SUGP2: variants seen among roughly 807,000 people sequenced by gnomAD.
The protein encoded by SUGP2 is SURP and G-patch domain containing 2, also known as SURP and G-patch domain-containing protein 2.
In SUGP2, 24 loss-of-function variants were observed where a neutral mutation model predicts 90.5. The observed-to-expected ratio is 0.27, with a 90% CI of 0.19 to 0.37. SUGP2 has a LOEUF of 0.37. Ranked by LOEUF, SUGP2 falls within the 10% of genes least tolerant of loss-of-function variation. The pLI is 1.00. For missense variants in SUGP2, 1,233 were observed against 1,363.3 expected (o/e 0.90, Z 1.51); for synonymous variants, 473 against 513.4 (o/e 0.92, Z 1.06).
chr19:19,010,300 C>G lies in SUGP2; in HGVS notation c.1893G>C (p.Lys631Asn), dbSNP rs763417217. The change falls in exon 5 of 11, where the codon AAG becomes AAC. Residue 631 changes from lysine to asparagine, a missense_variant. Coordinates refer to ENST00000452918, the MANE Select transcript of SUGP2 (RefSeq NM_001017392.5). Reference protein sequence around the residue: ...DENSLEYKYYKLKLAEMQRMS... With the variant: ...DENSLEYKYYNLKLAEMQRMS... ...TCCGCTGCATTTCTGCCAACTTCAGCTTGTAATATTTATACTCCAGACTAT... is the reference window on the plus strand; with the variant it reads ...TCCGCTGCATTTCTGCCAACTTCAGGTTGTAATATTTATACTCCAGACTAT... The G allele has an allele frequency of 1.2e-6, 2 of 1,613,546 alleles. No homozygotes were observed. The highest frequency in any genetic ancestry group is 8.5e-7 in the Non-Finnish European group (1 of 1,180,030).
intron 8 of SUGP2, 61 bp downstream of exon 8, chr19:19,001,552 G>C: frequency 2.0e-6 from 3 of 1,530,124 alleles, no homozygotes; most frequent in African/African-American, 1.4e-5. Context: ...GCATCCTTTG[G>C]AACTCCAACA....
chr19:19,031,720 G>A (rs1454903562), intron 1 of SUGP2, among the ~76,000 whole-genome samples: 9 of 151,832 alleles, frequency 5.9e-5, no homozygotes, highest in Admixed American at 3.3e-4. Context: ...AAAAATGCGT[G>A]CTCACAGAAC....
chr19:19,017,927 C>CTTTTTT (rs1264966084), intron 4 of SUGP2, among the ~76,000 whole-genome samples: 30 of 140,110 alleles, frequency 2.1e-4, no homozygotes, highest in African/African-American at 8.0e-4. Flanking sequence ...CTGATCATCA[C>CTTTTTT]TTTTTTTTTT....
chr19:19,024,658 G>A lies in SUGP2; in HGVS notation c.1690C>T (p.Pro564Ser). The A allele has an allele frequency of 6.2e-7, 1 of 1,614,118 alleles. No homozygotes were observed. Among genetic ancestry groups the A allele is most frequent in the Non-Finnish European group, 8.5e-7 (1 of 1,180,022 alleles). The change falls in exon 3 of 11, where the codon CCT becomes TCT. Residue 564 changes from proline to serine, a missense_variant. Coordinates refer to ENST00000452918, the MANE Select transcript of SUGP2 (RefSeq NM_001017392.5). ...EEEKMIPPTK[P>S]EIQAKAPSSL... Reference sequence around the variant, plus strand: ...CTTGGAGCCTTGGCCTGAATTTCAGGTTTCGTAGGAGGAATCATTTTCTCC... The same window carrying A: ...CTTGGAGCCTTGGCCTGAATTTCAGATTTCGTAGGAGGAATCATTTTCTCC...
intron 6 of SUGP2, among the ~76,000 whole-genome samples, chr19:19,008,046 G>C (rs1022360759): frequency 1.3e-5 from 2 of 152,086 alleles, no homozygotes; most frequent in African/African-American, 4.8e-5. Flanking sequence ...CTGAAGTGAA[G>C]TCATGACTTA....
At chr19:19,024,499 C>T (rs1209715718) in intron 3 of SUGP2, 120 bp downstream of exon 3, 1 of 1,203,116 alleles carries the variant, frequency 8.3e-7, no homozygotes, top group Admixed American at 2.5e-5. Flanking sequence ...GCGTTTTCTA[C>T]TAAAATCCTG....
intron 2 of SUGP2, among the ~76,000 whole-genome samples, chr19:19,029,426 G>A (rs1472234972): frequency 2.8e-5 from 4 of 140,588 alleles, no homozygotes; most frequent in Non-Finnish European, 6.1e-5. Flanking sequence ...GAGCCACTGC[G>A]CCCGGCCATT....
intron 8 of SUGP2, among the ~76,000 whole-genome samples, chr19:18,999,757 G>A (rs768003662): frequency 5.7e-4 from 87 of 152,292 alleles, no homozygotes; most frequent in Non-Finnish European, 9.3e-4. Context: ...TGAAGGACTG[G>A]TGAAGTCTCT....
chr19:19,031,063 G>A lies in SUGP2; in HGVS notation c.9C>T (p.Ala3=). ...CAAAAGTCTCCTGTGTAATTCGTCT[G>A]GCTGCCATGTTATTTTGCCCTATGG... MA[A]RRITQETFDA... The change falls in exon 2 of 11, where the codon GCC becomes GCT. Residue 3 remains alanine (A), a synonymous_variant. Transcript: ENST00000452918. The A allele has an allele frequency of 6.2e-7, 1 of 1,611,720 alleles. No individual in the cohort carries two copies. Among genetic ancestry groups the A allele is most frequent in the South Asian group, 1.1e-5 (1 of 90,484 alleles).
rs139266877 is a variant in SUGP2 at position 19,007,920 on chromosome 19, C to T, written c.2450+397G>A. ...GATTACAGGTGCTTGCCACCATGCCCGGCTAATTTTTGTATTTTTGTAGAG... is the reference window on the plus strand; with the variant it reads ...GATTACAGGTGCTTGCCACCATGCCTGGCTAATTTTTGTATTTTTGTAGAG... On this transcript the variant is annotated intron_variant, in intron 6 of 10. Coordinates refer to ENST00000452918, the MANE Select transcript of SUGP2 (RefSeq NM_001017392.5). Among the ~76,000 whole-genome samples the T allele has an allele frequency of 3.1e-4, 47 of 152,038 alleles. No homozygotes were observed. The East Asian group carries it at 6.6e-3, about 21-fold the overall frequency.
intron 3 of SUGP2, among the ~76,000 whole-genome samples, chr19:19,020,339 G>A (rs2058673755): frequency 1.3e-5 from 2 of 151,314 alleles, no homozygotes; most frequent in Non-Finnish European, 2.9e-5. Context: ...GGCTGAGGCA[G>A]GAGAATAGCG....
At chr19:19,032,634 G>GT (rs1180086023) in intron 1 of SUGP2, among the ~76,000 whole-genome samples, 1 of 152,096 alleles carries the variant, frequency 6.6e-6, no homozygotes, top group African/African-American at 2.4e-5. Context: ...ACCACCCACT[G>GT]AAGAGGCGGG....
intron 5 of SUGP2, 152 bp from the exon 6 acceptor site, chr19:19,008,580 A>C: frequency 1.5e-6 from 1 of 681,088 alleles, no homozygotes; most frequent in Admixed American, 2.1e-5. Flanking sequence ...TTTGTCACCA[A>C]GAAGTGAACT....
intron 6 of SUGP2, among the ~76,000 whole-genome samples, chr19:19,006,309 C>T (rs933169826): frequency 1.3e-5 from 2 of 152,168 alleles, no homozygotes; most frequent in African/African-American, 4.8e-5. Context: ...AGCTTGAGCA[C>T]ATTAGAATTA....
intron 8 of SUGP2, 41 bp downstream of exon 8, chr19:19,001,572 C>T (rs761597296): frequency 1.9e-6 from 3 of 1,600,736 alleles, no homozygotes; most frequent in Non-Finnish European, 2.6e-6. Context: ...AAATTCTAAC[C>T]AACTATACTT....
At chr19:19,023,932 T>C (rs2058825184) in intron 3 of SUGP2, among the ~76,000 whole-genome samples, 1 of 151,932 alleles carries the variant, frequency 6.6e-6, no homozygotes, top group African/African-American at 2.4e-5. Context: ...AACCCTTCTT[T>C]TTTTCAAAGG....
rs759887276 is a variant in SUGP2, at chr19:19,009,842, A to G, written c.2338+13T>C. 32 of 1,593,628 alleles carry G rather than the reference A, an allele frequency of 2.0e-5. No homozygotes were observed. Among genetic ancestry groups the G allele is most frequent in the Admixed American group, 5.1e-5 (3 of 58,844 alleles). On this transcript the variant is annotated intron_variant, in intron 5 of 10. Transcript: ENST00000452918. ...CTGGGGCCCAGAGGAGGGGGACAGG[A>G]GTGAGCACCCACTGTCAGCAGATGG... is the stretch of plus-strand genomic sequence containing the variant.
rs770952976 is a variant in SUGP2 at position 19,010,187 on chromosome 19, T to C, written c.2006A>G (p.Asn669Ser). ...RAMLYSRAVR[N>S]LKKKLLPWQR... ...CCACGGAAGGAGTTTCTTCTTGAGGTTGCGGACAGCCCGGGAGTACAGCAT... is the reference window on the plus strand; with the variant it reads ...CCACGGAAGGAGTTTCTTCTTGAGGCTGCGGACAGCCCGGGAGTACAGCAT... Residue 669 changes from asparagine (N) to serine (S), a missense_variant, in exon 5 of 11, where the codon AAC (asparagine) becomes AGC (serine). Asn to Ser is a conservative substitution (Grantham distance 46). Transcript: ENST00000452918. The C allele has an allele frequency of 3.1e-6, 5 of 1,613,716 alleles. No individual in the cohort carries two copies. Among genetic ancestry groups the C allele is most frequent in the South Asian group, 1.1e-5 (1 of 91,058 alleles).
intron 7 of SUGP2, 126 bp from the exon 8 acceptor site, chr19:19,001,800 C>G (rs1211435635): frequency 1.1e-6 from 1 of 901,004 alleles, no homozygotes; most frequent in Non-Finnish European, 1.8e-6. Context: ...TTAGGCTCTG[C>G]ATGGCAGCTG....
Sources: gnomAD v4.1 joint callset for allele counts (sites outside exome capture counted in the v4.1 genomes callset) on GRCh38, gnomAD v4.1.1 for gene constraint, MANE v1.5 for transcripts, NCBI Gene and HGNC (gene_info 2026-07-23, HGNC 2026-07-21) for gene names.